The following MYOF variants were observed in gnomAD, a reference collection of about 807,000 sequenced individuals.
MYOF encodes the protein fer-1-like 3, myoferlin.
Under a neutral mutation model 284.2 loss-of-function variants are expected in MYOF, and 244 were observed. That is an observed-to-expected ratio of 0.86 (90% CI 0.77 to 0.95). MYOF has a LOEUF of 0.95. Ranked by LOEUF, MYOF falls within the 40% of genes least tolerant of loss-of-function variation. The pLI is 0.00. For missense variants in MYOF, 2,496 were observed against 2,560.6 expected, an observed-to-expected ratio of 0.97 and a Z score of 0.54; for synonymous variants, 904 against 919.7, an observed-to-expected ratio of 0.98 and a Z score of 0.31.
chr10:93,317,083 T>C (rs2133740887), intron 49 of MYOF, among the ~76,000 whole-genome samples: 1 of 149,460 alleles, frequency 6.7e-6, no homozygotes, highest in African/African-American at 2.5e-5. Context: ...CACCTGGGGG[T>C]TGGAGAGTGA....
chr10:93,451,938 C>T (rs1326963137), intron 3 of MYOF, 112 bp downstream of exon 3: 2 of 821,502 alleles, frequency 2.4e-6, no homozygotes, highest in African/African-American at 1.7e-5. Flanking sequence ...AATTAAAGCA[C>T]ATTTATATTG....
chr10:93,353,190 C>G (rs1844607043), intron 32 of MYOF, among the ~76,000 whole-genome samples: 1 of 152,180 alleles, frequency 6.6e-6, no homozygotes, highest in African/African-American at 2.4e-5. Context: ...GGTTCAGCGG[C>G]AAGGACTCAA....
chr10:93,363,904 C>G (rs73317596), intron 27 of MYOF, 57 bp downstream of exon 27: 5 of 1,524,720 alleles, frequency 3.3e-6, no homozygotes, highest in African/African-American at 1.4e-5. Flanking sequence ...CTGGGTTCCC[C>G]GCAGATCACG....
chr10:93,343,527 G>A (rs933044907), intron 38 of MYOF, among the ~76,000 whole-genome samples: 5 of 152,206 alleles, frequency 3.3e-5, no homozygotes, highest in Non-Finnish European at 7.3e-5. Flanking sequence ...AGACCTGCCA[G>A]CATATTAAAA....
intron 16 of MYOF, among the ~76,000 whole-genome samples, chr10:93,395,182 C>T (rs946561699): frequency 6.6e-5 from 10 of 152,134 alleles, no homozygotes; most frequent in East Asian, 1.9e-4. Context: ...CGGTGGCTCA[C>T]GCCTGTAATC....
rs946760146 is a variant in MYOF, at chr10:93,452,044, A to T, written c.236+6T>A. The T allele has an allele frequency of 6.3e-7, 1 of 1,596,080 alleles. No individual in the cohort carries two copies. Among genetic ancestry groups the T allele is most frequent in the Non-Finnish European group, 8.5e-7 (1 of 1,169,692 alleles). ...AAAATGAGAAAAACAGGTGAAAACA[A>T]CTTACTTATTTTGTCCAATTGTCTC... On this transcript the variant is annotated splice_donor_region_variant and intron_variant, in intron 3 of 53. Transcript: ENST00000359263.
chr10:93,435,501 C>T (rs1235832405), intron 3 of MYOF, among the ~76,000 whole-genome samples: 1 of 152,216 alleles, frequency 6.6e-6, no homozygotes, highest in African/African-American at 2.4e-5. Flanking sequence ...TCTGTGTCCC[C>T]ACTTTCTTGA....
chr10:93,327,884 A>T (rs1347273948), intron 45 of MYOF, among the ~76,000 whole-genome samples: 1 of 152,010 alleles, frequency 6.6e-6, no homozygotes, highest in Non-Finnish European at 1.5e-5. Flanking sequence ...CAGCCTCCTG[A>T]GTAGCTGGGA....
rs151078709 is a variant in MYOF at position 93,460,422 on chromosome 10, C to A, written c.89-3485G>T. On this transcript the variant is annotated intron_variant, in intron 1 of 53. Coordinates refer to ENST00000359263, the MANE Select transcript of MYOF (RefSeq NM_013451.4). ...ACATTTATTAAGCATCCACTGTGTG[C>A]CAGTAACAGGAAACAGAAGAGTGTA... is the stretch of plus-strand genomic sequence containing the variant. Among the ~76,000 whole-genome samples, 4 of 152,298 alleles carry A rather than the reference C, an allele frequency of 2.6e-5. No homozygotes were observed. The East Asian group carries it at 7.7e-4, about 29-fold the overall frequency.
intron 7 of MYOF, among the ~76,000 whole-genome samples, chr10:93,406,571 C>CA (rs1554855719): frequency 5.1e-5 from 2 of 39,448 alleles, no homozygotes; most frequent in East Asian, 4.7e-4. Context: ...CCTCCCCACC[C>CA]ATCCAGTCTT....
intron 43 of MYOF, among the ~76,000 whole-genome samples, chr10:93,332,230 T>TA (rs948687242): frequency 1.3e-5 from 2 of 150,050 alleles, no homozygotes; most frequent in South Asian, 2.1e-4. Flanking sequence ...TCTTTTATTT[T>TA]TTTTTTTTGG....
In MYOF at chr10:93,307,133, C is replaced by T. The variant is rs575327810; in HGVS notation, c.6148-132G>A. 5 of 772,768 alleles carry T rather than the reference C, an allele frequency of 6.5e-6. No homozygotes were observed. The African/African-American group carries it at 8.9e-5, about 14-fold the overall frequency. 47.9% of individuals were successfully genotyped at this position (772,768 alleles called of 1,614,324 possible). On this transcript the variant is annotated intron_variant, in intron 53 of 53. Coordinates refer to ENST00000359263, the MANE Select transcript of MYOF (RefSeq NM_013451.4). Reference sequence around the variant, plus strand: ...CTTTCTTGTTGGGGAGTGTCCTGTGCATTGTAGGATGTTCAGCAGCTTTCA... The same window carrying T: ...CTTTCTTGTTGGGGAGTGTCCTGTGTATTGTAGGATGTTCAGCAGCTTTCA...
intron 12 of MYOF, 79 bp downstream of exon 12, chr10:93,401,339 A>G: frequency 6.5e-7 from 1 of 1,547,978 alleles, no homozygotes; most frequent in Non-Finnish European, 8.8e-7. Flanking sequence ...GACACGAATC[A>G]CTATTAAAGT....
Position 93,409,740 on chromosome 10 carries a change from CT to C in MYOF, c.434-2del. ...TCACCTTCATCTTCTTCCCCATCTC[CT>C]AAAATATCAGAAAGAAACCCAGTGA... On this transcript the variant is annotated splice_acceptor_variant, in intron 5 of 53. Coordinates refer to ENST00000359263, the MANE Select transcript of MYOF (RefSeq NM_013451.4). LOFTEE classifies it high-confidence loss of function. 6.2e-7 allele frequency: 1 copy of C among 1,614,060 alleles called. No homozygotes were observed. The highest frequency in any genetic ancestry group is 8.5e-7 in the Non-Finnish European group (1 of 1,180,018).
At chr10:93,384,418 G>A (rs1001935581) in intron 19 of MYOF, among the ~76,000 whole-genome samples, 6 of 152,122 alleles carry the variant, frequency 3.9e-5, no homozygotes, top group East Asian at 3.9e-4. Flanking sequence ...GGCTGGCGGC[G>A]GATTACCTGA....
chr10:93,433,165 T>C (rs568241703), intron 3 of MYOF, among the ~76,000 whole-genome samples: 171 of 152,222 alleles, frequency 1.1e-3, no homozygotes, highest in African/African-American at 4.1e-3. Context: ...TTTATTTATT[T>C]ATTTATTTTG....
intron 1 of MYOF, among the ~76,000 whole-genome samples, chr10:93,477,945 G>A (rs1245679994): frequency 2.0e-5 from 3 of 152,080 alleles, no homozygotes; most frequent in Non-Finnish European, 4.4e-5. Context: ...GCAGTAGTTG[G>A]GACAACTTAT....
chr10:93,366,252 A>C, intron 26 of MYOF, 140 bp downstream of exon 26: 1 of 904,762 alleles, frequency 1.1e-6, no homozygotes, highest in Non-Finnish European at 1.7e-6. Flanking sequence ...TCAACTTTCT[A>C]CAAATTTCAA....
intron 1 of MYOF, among the ~76,000 whole-genome samples, chr10:93,467,531 G>A (rs1343939688): frequency 6.6e-6 from 1 of 151,762 alleles, no homozygotes; most frequent in Admixed American, 6.6e-5. Context: ...TGGTGGGACT[G>A]TAAACTAGTT....
Sources: gnomAD v4.1 joint callset for allele counts (sites outside exome capture counted in the v4.1 genomes callset) on GRCh38, gnomAD v4.1.1 for gene constraint, MANE v1.5 for transcripts, NCBI Gene and HGNC (gene_info 2026-07-23, HGNC 2026-07-21) for gene names.